Variants in PRRC2B observed in about 807,000 individuals in gnomAD.
The protein encoded by PRRC2B is proline rich coiled-coil 2B, also known as protein PRRC2B.
Under a neutral mutation model 242.3 loss-of-function variants are expected in PRRC2B, and 68 were observed. That is an observed-to-expected ratio of 0.28 (90% confidence interval 0.23 to 0.34). PRRC2B has a LOEUF of 0.34. Ranked by LOEUF, PRRC2B falls within the 10% of genes least tolerant of loss-of-function variation. PRRC2B has a pLI of 1.00. For synonymous variants in PRRC2B, 1,228 were observed against 1,173.6 expected, an observed-to-expected ratio of 1.05 and a Z score of -0.95; for missense variants, 2,835 against 2,954.8, an observed-to-expected ratio of 0.96 and a Z score of 0.94.
At chr9:131,396,966 G>T (rs977381912) in intron 1 of PRRC2B, among the ~76,000 whole-genome samples, 14 of 152,212 alleles carry the variant, frequency 9.2e-5, no homozygotes, top group Admixed American at 3.3e-4. Flanking sequence ...AATTTGTTTT[G>T]GTTCATTTTG....
intron 1 of PRRC2B, among the ~76,000 whole-genome samples, chr9:131,388,113 G>T (rs1353155142): frequency 6.7e-6 from 1 of 149,640 alleles, no homozygotes; most frequent in Non-Finnish European, 1.5e-5. Flanking sequence ...CATTGTGGGC[G>T]GGGGGCCGAG....
chr9:131,485,266 T>C, intron 25 of PRRC2B, 126 bp downstream of exon 25: 1 of 782,444 alleles, frequency 1.3e-6, no homozygotes, highest in Admixed American at 2.9e-5. Context: ...GCAACTTGTT[T>C]TTAGGCCCAG....
At chr9:131,480,760 A>G (rs1016137198) in intron 19 of PRRC2B, among the ~76,000 whole-genome samples, 14 of 151,996 alleles carry the variant, frequency 9.2e-5, no homozygotes, top group African/African-American at 2.7e-4. Context: ...TAGCATGTCA[A>G]CTTTTGCATG....
intron 1 of PRRC2B, among the ~76,000 whole-genome samples, chr9:131,406,559 C>G (rs1033590295): frequency 6.6e-6 from 1 of 152,184 alleles, no homozygotes; most frequent in Non-Finnish European, 1.5e-5. Context: ...GACCTACCTG[C>G]TATGAGGTCT....
chr9:131,459,506 G>A (rs1019077737), intron 11 of PRRC2B, 150 bp downstream of exon 11: 14 of 764,080 alleles, frequency 1.8e-5, no homozygotes, highest in Non-Finnish European at 2.7e-5. Flanking sequence ...GTCTCACTAT[G>A]TTGCCCAGGC....
At chr9:131,423,461 G>A (rs1837898701) in intron 1 of PRRC2B, among the ~76,000 whole-genome samples, 1 of 152,230 alleles carries the variant, frequency 6.6e-6, no homozygotes, top group African/African-American at 2.4e-5. Flanking sequence ...CTGGCCTGAT[G>A]TTTGTGAAAA....
At chr9:131,469,748 A>T (rs1006131616) in intron 13 of PRRC2B, among the ~76,000 whole-genome samples, 2 of 152,222 alleles carry the variant, frequency 1.3e-5, no homozygotes, top group Non-Finnish European at 2.9e-5. Flanking sequence ...CACTGATGGG[A>T]TAGAGCAGGG....
chr9:131,448,025 ATC>A, intron 9 of PRRC2B: 1 of 411,076 alleles, frequency 2.4e-6, no homozygotes, highest in Non-Finnish European at 4.2e-6. Flanking sequence ...TTTAGTCTTG[ATC>A]TTAGAGTTTT....
chr9:131,400,951 G>T (rs1564273804), intron 1 of PRRC2B, among the ~76,000 whole-genome samples: 1 of 150,418 alleles, frequency 6.6e-6, no homozygotes, highest in Admixed American at 6.6e-5. Flanking sequence ...TCCTCTTGTG[G>T]TTTCTTTCTT....
At chr9:131,448,560 A>AACAAAAAAAAAAAAAC (rs1564287317) in intron 9 of PRRC2B, among the ~76,000 whole-genome samples, 1 of 135,224 alleles carries the variant, frequency 7.4e-6, no homozygotes, top group Non-Finnish European at 1.6e-5. Flanking sequence ...AAAAAAAAAA[A>AACAAAAAAAAAAAAAC]AAAAAAAAAA....
chr9:131,460,919 C>T (rs561077827), intron 11 of PRRC2B, among the ~76,000 whole-genome samples: 8 of 152,244 alleles, frequency 5.3e-5, no homozygotes, highest in South Asian at 2.1e-4. Context: ...TCACTGCTTC[C>T]GGGCCTCCTC....
intron 12 of PRRC2B, among the ~76,000 whole-genome samples, chr9:131,467,251 A>G (rs1444820200): frequency 2.6e-5 from 4 of 152,298 alleles, no homozygotes; most frequent in Middle Eastern, 3.4e-3. Flanking sequence ...GTCCTTTTTA[A>G]TAAAACATCT....
Position 131,416,177 on chromosome 9 carries a change from C to T in PRRC2B, c.-51-13917C>T, listed in dbSNP as rs565929681. Among the ~76,000 whole-genome samples the T allele has an allele frequency of 1.1e-4, 16 of 151,882 alleles. No individual in the cohort carries two copies. The South Asian group carries it at 1.5e-3, about 14-fold the overall frequency. On this transcript the variant is annotated intron_variant, in intron 1 of 31. Coordinates refer to ENST00000683519, the MANE Select transcript of PRRC2B (RefSeq NM_013318.4). ...AGGCTGGAGTGCAGTGGCGCCATCT[C>T]GGCTCACTGCAACTTCTGCCTCCCA... is the stretch of plus-strand genomic sequence containing the variant.
Position 131,474,889 on chromosome 9 carries a change from C to T in PRRC2B, c.2760C>T (p.Pro920=), listed in dbSNP as rs189513409. 414 of 1,595,342 alleles carry T rather than the reference C, an allele frequency of 2.6e-4. 1 individual carries two copies. Among genetic ancestry groups the T allele is most frequent in the Non-Finnish European group, 2.9e-4 (343 of 1,171,960 alleles). Residue 920 remains proline, a synonymous_variant, in exon 16 of 32, where the codon CCC becomes CCT. Coordinates refer to ENST00000683519, the MANE Select transcript of PRRC2B (RefSeq NM_013318.4). ...KQPSSEPEWT[P]EPRSSSSQHP... Reference sequence around the variant, plus strand: ...CATCCTCGGAGCCTGAATGGACTCCCGAGCCCCGGAGCTCCAGCAGCCAGC... The same window carrying T: ...CATCCTCGGAGCCTGAATGGACTCCTGAGCCCCGGAGCTCCAGCAGCCAGC...
rs745983035 is a variant in PRRC2B at position 131,482,362 on chromosome 9, T to A, written c.4984-9T>A. ...TTTGAGGCTATAACCCATTTTGTGC[T>A]CTGCACAGCAGGGTTTTAAGAGCAG... On this transcript the variant is annotated splice_polypyrimidine_tract_variant and intron_variant, in intron 20 of 31. Coordinates refer to ENST00000683519, the MANE Select transcript of PRRC2B (RefSeq NM_013318.4). The surrounding 1 kb of genome is among the most constrained non-coding windows in gnomAD (Gnocchi z 5.2). 1 of 1,558,696 alleles carries A rather than the reference T, an allele frequency of 6.4e-7. No individual in the cohort carries two copies. Among genetic ancestry groups the A allele is most frequent in the Non-Finnish European group, 8.7e-7 (1 of 1,146,714 alleles).
At position 131,439,410 on chromosome 9, in the gene PRRC2B, C is replaced by T. The variant is rs549944780; in HGVS notation, c.469+349C>T. Among the ~76,000 whole-genome samples, 13 of 152,238 alleles carry T rather than the reference C, an allele frequency of 8.5e-5. No homozygotes were observed. The South Asian group carries it at 2.3e-3, about 27-fold the overall frequency. ...GGAGAGTGGTCGTGGTGTGGGCAGA[C>T]GATTCAAAGGAATGTACTGGGGAAA... On this transcript the variant is annotated intron_variant, in intron 5 of 31. Coordinates refer to ENST00000683519, the MANE Select transcript of PRRC2B (RefSeq NM_013318.4).
intron 1 of PRRC2B, among the ~76,000 whole-genome samples, chr9:131,409,028 T>C (rs1837438973): frequency 6.7e-6 from 1 of 148,800 alleles, no homozygotes; most frequent in Admixed American, 6.7e-5. Flanking sequence ...CACTTTTTTT[T>C]TTTTTTTTCC....
intron 12 of PRRC2B, among the ~76,000 whole-genome samples, chr9:131,466,168 T>C (rs1196439229): frequency 6.6e-6 from 1 of 152,248 alleles, no homozygotes; most frequent in Non-Finnish European, 1.5e-5. Flanking sequence ...GACAAGGGGA[T>C]GTTTGAGGCT....
rs577763856 is a variant in PRRC2B at position 131,458,178 on chromosome 9, T to G, written c.1212-986T>G. On this transcript the variant is annotated intron_variant, in intron 10 of 31. Coordinates refer to ENST00000683519, the MANE Select transcript of PRRC2B (RefSeq NM_013318.4). Reference sequence around the variant, plus strand: ...TTGCTCTTTTTATTGTGGCACTGTTTAGTAGTCATCTTTTGTTCTTTTGAG... The same window carrying G: ...TTGCTCTTTTTATTGTGGCACTGTTGAGTAGTCATCTTTTGTTCTTTTGAG... 4.6e-4 allele frequency among the ~76,000 whole-genome samples: 70 copies of G among 152,214 alleles called. No homozygotes were observed. In the South Asian group the frequency reaches 0.014, roughly 30 times the overall value.
Sources: allele counts gnomAD v4.1 joint callset (sites outside exome capture counted in the v4.1 genomes callset), GRCh38; gene constraint gnomAD v4.1.1; non-coding constraint Gnocchi (gnomAD v3.1); transcripts MANE v1.5; gene names NCBI Gene and HGNC (gene_info 2026-07-23, HGNC 2026-07-21).